Variants in PLD5 observed in about 807,000 individuals in gnomAD.
PLD5 encodes the protein inactive phospholipase D5.
PLD5 carries 36 observed loss-of-function variants against 61.1 expected under a neutral mutation model. The ratio of observed to expected loss-of-function variants is 0.59; its 90% CI spans 0.45 to 0.78. The LOEUF (loss-of-function observed/expected upper bound fraction) is 0.78, where lower values mean the gene tolerates loss of function less well. Among genes scored for constraint, PLD5 ranks in the 30% least tolerant of loss-of-function variants. PLD5 has a pLI of 0.00. For synonymous variants in PLD5, 243 were observed against 242.8 expected, an observed-to-expected ratio of 1.00 and a Z score of -0.01; for missense variants, 515 against 644.4, an observed-to-expected ratio of 0.80 and a Z score of 2.17.
chr1:242,246,191 A>AC (rs950836098), intron 4 of PLD5, among the ~76,000 whole-genome samples: 23 of 151,680 alleles, frequency 1.5e-4, no homozygotes, highest in African/African-American at 5.3e-4. Context: ...ACACAGTGAG[A>AC]CCCCCATCTC....
intron 1 of PLD5, among the ~76,000 whole-genome samples, chr1:242,482,395 G>A (rs923042652): frequency 3.9e-4 from 60 of 152,184 alleles, no homozygotes; most frequent in Non-Finnish European, 7.4e-5. Flanking sequence ...CACGGCACAA[G>A]AACTATGTGA....
intron 1 of PLD5, among the ~76,000 whole-genome samples, chr1:242,439,997 A>G (rs1209711954): frequency 6.6e-6 from 1 of 152,208 alleles, no homozygotes; most frequent in Non-Finnish European, 1.5e-5. Context: ...TGCTGAGCCC[A>G]GTGTTGGGTG....
intron 3 of PLD5, 72 bp downstream of exon 3, chr1:242,288,290 G>C: frequency 3.2e-6 from 5 of 1,574,826 alleles, no homozygotes; most frequent in Non-Finnish European, 3.4e-6. Flanking sequence ...TTGAGGAGTG[G>C]AGGAGCAGAA....
At chr1:242,188,308 A>G (rs1668035415) in intron 5 of PLD5, among the ~76,000 whole-genome samples, 1 of 152,162 alleles carries the variant, frequency 6.6e-6, no homozygotes, top group Non-Finnish European at 1.5e-5. Context: ...AGGATAGGGG[A>G]AAGGGAGAAA....
At chr1:242,328,054 G>A (rs1389024844) in intron 2 of PLD5, among the ~76,000 whole-genome samples, 2 of 152,098 alleles carry the variant, frequency 1.3e-5, no homozygotes, top group East Asian at 3.9e-4. Context: ...CAGCCTGGGT[G>A]ACAGAGGAGA....
At chr1:242,116,440 G>C (rs781323774) in intron 6 of PLD5, among the ~76,000 whole-genome samples, 26 of 152,128 alleles carry the variant, frequency 1.7e-4, no homozygotes, top group Admixed American at 3.3e-4. Context: ...TTAGACTCAG[G>C]GGGTACAGGT....
chr1:242,240,786 G>A lies in PLD5; in HGVS notation c.608-20671C>T, dbSNP rs533233467. Among the ~76,000 whole-genome samples the A allele has an allele frequency of 3.1e-3, 471 of 152,224 alleles. 5 individuals are homozygous for A. Among genetic ancestry groups the A allele is most frequent in the African/African-American group, 0.011 (448 of 41,524 alleles). ...GAGAATTCAGGGATGAAAAATAGTC[G>A]TATGTGACAAAGGAAGAAAATCAGT... On this transcript the variant is annotated intron_variant, in intron 4 of 9. Transcript: ENST00000536534.
At chr1:242,395,108 T>TGTA (rs1434776589) in intron 1 of PLD5, among the ~76,000 whole-genome samples, 1 of 147,504 alleles carries the variant, frequency 6.8e-6, no homozygotes, top group East Asian at 1.9e-4. Context: ...TATGTATGTA[T>TGTA]ATGAATATAT....
At chr1:242,207,946 ATATT>A (rs1288075374) in intron 5 of PLD5, among the ~76,000 whole-genome samples, 2 of 74,336 alleles carry the variant, frequency 2.7e-5, no homozygotes, top group Admixed American at 2.6e-4. Context: ...ATATTTATAT[ATATT>A]TATTTATATA....
chr1:242,522,360 G>A (rs552630091), intron 1 of PLD5, among the ~76,000 whole-genome samples: 11 of 152,290 alleles, frequency 7.2e-5, no homozygotes, highest in Admixed American at 1.3e-4. Context: ...CCATACTCAT[G>A]CAGAAAGGTG....
At chr1:242,163,637 A>G (rs76878781) in intron 5 of PLD5, among the ~76,000 whole-genome samples, 72 of 152,270 alleles carry the variant, frequency 4.7e-4, no homozygotes, top group African/African-American at 1.7e-3. Context: ...ACTGCTGTCC[A>G]TTCATTCTAT....
At chr1:242,282,835 C>G (rs1674789899) in intron 3 of PLD5, among the ~76,000 whole-genome samples, 1 of 152,182 alleles carries the variant, frequency 6.6e-6, no homozygotes, top group African/African-American at 2.4e-5. Context: ...AGGGTGGCAA[C>G]TCATCATCCA....
intron 2 of PLD5, among the ~76,000 whole-genome samples, chr1:242,330,589 T>A (rs1344643808): frequency 6.6e-6 from 1 of 152,188 alleles, no homozygotes; most frequent in African/African-American, 2.4e-5. Flanking sequence ...TAGAAACTGA[T>A]CATCATTCCT....
At chr1:242,137,016 A>G (rs897090064) in intron 5 of PLD5, among the ~76,000 whole-genome samples, 4 of 152,220 alleles carry the variant, frequency 2.6e-5, no homozygotes, top group Admixed American at 1.3e-4. Context: ...CCCCATGAAT[A>G]TAACCTGTGG....
At chr1:242,364,282 A>G (rs1162017324) in intron 1 of PLD5, among the ~76,000 whole-genome samples, 1 of 152,262 alleles carries the variant, frequency 6.6e-6, no homozygotes, top group Non-Finnish European at 1.5e-5. Flanking sequence ...GGAACTAAAA[A>G]ATACTATCAA....
intron 1 of PLD5, among the ~76,000 whole-genome samples, chr1:242,494,210 G>A (rs920894524): frequency 6.6e-6 from 1 of 151,030 alleles, no homozygotes; most frequent in Non-Finnish European, 1.5e-5. Flanking sequence ...CGGGCCAAAT[G>A]GCACTCACAT....
At chr1:242,393,520 AT>A (rs1663091003) in intron 1 of PLD5, among the ~76,000 whole-genome samples, 1 of 73,112 alleles carries the variant, frequency 1.4e-5, no homozygotes, top group African/African-American at 6.9e-5. Context: ...GTATATATAT[AT>A]GTGTATATAT....
At chr1:242,467,814 C>T (rs1210697039) in intron 1 of PLD5, among the ~76,000 whole-genome samples, 1 of 152,056 alleles carries the variant, frequency 6.6e-6, no homozygotes, top group Non-Finnish European at 1.5e-5. Context: ...CCAAAATGGC[C>T]TTTGTTAGAG....
rs34582650 is a variant in PLD5, at chr1:242,382,128, C to CAA, written c.190-33888_190-33887dup. ...CAACTGATAGCGGAGACTTTGACAG[C>CAA]AAAAAAAAAAACAAAACAAAAAACT... On this transcript the variant is annotated intron_variant, in intron 1 of 9. Coordinates refer to ENST00000536534, the MANE Select transcript of PLD5 (RefSeq NM_001372062.1). Among the ~76,000 whole-genome samples, 30 of 125,584 alleles carry CAA rather than the reference C, an allele frequency of 2.4e-4. 1 individual carries two copies. Among genetic ancestry groups the CAA allele is most frequent in the Admixed American group, 5.9e-4 (7 of 11,794 alleles). The allele number at this position is 125,584 out of a possible 152,430, so 82.4% of individuals were successfully genotyped here. A position where few individuals can be genotyped will look rare whatever the true frequency, so the allele number is the denominator to read the frequency against.
Sources: gnomAD v4.1 joint callset for allele counts (sites outside exome capture counted in the v4.1 genomes callset) on GRCh38, gnomAD v4.1.1 for gene constraint, MANE v1.5 for transcripts, NCBI Gene and HGNC (gene_info 2026-07-23, HGNC 2026-07-21) for gene names.